TNR: variants seen among roughly 807,000 people sequenced by gnomAD.
The protein encoded by TNR is tenascin R.
Under a neutral mutation model 150.4 loss-of-function variants are expected in TNR, and 45 were observed. The ratio of observed to expected loss-of-function variants is 0.30; its 90% CI spans 0.24 to 0.38. The LOEUF (loss-of-function observed/expected upper bound fraction) is 0.38, where lower values mean the gene tolerates loss of function less well. TNR is among the 10% of genes least tolerant of loss of function. TNR has a pLI of 1.00. For missense variants in TNR, 1,544 were observed against 1,759.1 expected (o/e 0.88, Z 2.19); for synonymous variants, 687 against 678.4 (o/e 1.01, Z -0.20).
chr1:175,416,847 A>G (rs1654482149), intron 2 of TNR, among the ~76,000 whole-genome samples: 1 of 152,114 alleles, frequency 6.6e-6, no homozygotes, highest in Non-Finnish European at 1.5e-5. Flanking sequence ...TCTCTACTAA[A>G]AATACAAAAA....
intron 1 of TNR, among the ~76,000 whole-genome samples, chr1:175,531,228 C>G (rs763012408): frequency 3.9e-5 from 6 of 152,166 alleles, no homozygotes; most frequent in Non-Finnish European, 8.8e-5. Flanking sequence ...CACACTTGTT[C>G]TGATAGAATG....
intron 1 of TNR, among the ~76,000 whole-genome samples, chr1:175,650,857 C>CCCACCTCATTACTCCTCCT: frequency 1.4e-5 from 1 of 69,268 alleles, no homozygotes; most frequent in East Asian, 3.8e-4. Context: ...TACTACCCAT[C>CCCACCTCATTACTCCTCCT]TCCCACCTCA....
chr1:175,536,257 T>A (rs547668076), intron 1 of TNR, among the ~76,000 whole-genome samples: 21 of 152,216 alleles, frequency 1.4e-4, no homozygotes, highest in Non-Finnish European at 2.6e-4. Context: ...CTGGTTGAAT[T>A]TTTTCAACCA....
At chr1:175,351,400 A>T (rs1215824200) in intron 18 of TNR, among the ~76,000 whole-genome samples, 2 of 152,196 alleles carry the variant, frequency 1.3e-5, no homozygotes, top group African/African-American at 4.8e-5. Context: ...ATTTGCATTG[A>T]GGTGGCTGAC....
At chr1:175,719,579 G>T (rs969109519) in intron 1 of TNR, among the ~76,000 whole-genome samples, 4 of 152,226 alleles carry the variant, frequency 2.6e-5, no homozygotes, top group African/African-American at 9.6e-5. Flanking sequence ...GTCCTGGGAT[G>T]CAGTAAGCAT....
intron 1 of TNR, among the ~76,000 whole-genome samples, chr1:175,683,726 G>A: frequency 6.6e-6 from 1 of 152,226 alleles, no homozygotes; most frequent in Admixed American, 6.5e-5. Context: ...AGGAAAGAGG[G>A]AAGAGCTGTG....
chr1:175,429,252 G>T (rs1464289487), intron 2 of TNR, among the ~76,000 whole-genome samples: 1 of 152,122 alleles, frequency 6.6e-6, no homozygotes, highest in African/African-American at 2.4e-5. Flanking sequence ...AACATGATTT[G>T]TGAATCATTA....
At position 175,336,480 on chromosome 1, in the gene TNR, G is replaced by C. The variant is rs1476125263; in HGVS notation, c.3535-673C>G. Among the ~76,000 whole-genome samples the C allele has an allele frequency of 5.3e-5, 8 of 152,350 alleles. No individual in the cohort carries two copies. The East Asian group carries it at 1.5e-3, about 29-fold the overall frequency. On this transcript the variant is annotated intron_variant, in intron 19 of 22. Coordinates refer to ENST00000367674, the MANE Select transcript of TNR (RefSeq NM_003285.3). The stretch of plus-strand genomic sequence containing the variant: ...AGCACTGTTAGCAGAGCGAGAGAGG[G>C]CATCCAAAGAAGGGCGGAGGGGCTG...
intron 1 of TNR, among the ~76,000 whole-genome samples, chr1:175,567,864 A>G (rs906279385): frequency 1.3e-4 from 19 of 151,902 alleles, no homozygotes; most frequent in African/African-American, 4.6e-4. Flanking sequence ...CCAGTCTCAC[A>G]ATTCCTATAG....
chr1:175,592,419 G>A (rs6688098), intron 1 of TNR, among the ~76,000 whole-genome samples: 23,951 of 152,180 alleles, frequency 0.16, 2,812 homozygotes, highest in African/African-American at 0.32. Flanking sequence ...GGTTGTCAGC[G>A]GAATTCTTAA....
intron 1 of TNR, among the ~76,000 whole-genome samples, chr1:175,647,188 G>A (rs1664833126): frequency 6.6e-6 from 1 of 152,122 alleles, no homozygotes; most frequent in Admixed American, 6.5e-5. Flanking sequence ...ATTTCGCCCT[G>A]GGTGAAAATA....
intron 1 of TNR, among the ~76,000 whole-genome samples, chr1:175,598,339 G>T (rs925262350): frequency 1.3e-5 from 2 of 152,172 alleles, no homozygotes; most frequent in Non-Finnish European, 1.5e-5. Context: ...GGCCATACAG[G>T]TTAAATGACT....
At chr1:175,422,774 C>T (rs1392464822) in intron 2 of TNR, among the ~76,000 whole-genome samples, 1 of 152,212 alleles carries the variant, frequency 6.6e-6, no homozygotes, top group Non-Finnish European at 1.5e-5. Flanking sequence ...TGCCACATGT[C>T]CATCTTCACT....
Position 175,546,308 on chromosome 1 carries a change from T to G in TNR, c.-164-17939A>C, listed in dbSNP as rs115909505. On this transcript the variant is annotated intron_variant, in intron 1 of 22. Coordinates refer to ENST00000367674, the MANE Select transcript of TNR (RefSeq NM_003285.3). ...ATGGGCAACTTGGACATAAAGAGGC[T>G]GCTTTAACATGGGGGTGAGGTTAAG... 6.9e-3 allele frequency among the ~76,000 whole-genome samples: 1,049 copies of G among 152,290 alleles called. 12 individuals carry two copies. The highest frequency in any genetic ancestry group is 0.024 in the African/African-American group (1,000 of 41,560).
intron 7 of TNR, among the ~76,000 whole-genome samples, chr1:175,390,043 TAG>T (rs57585315): frequency 0.026 from 3,919 of 152,232 alleles, 151 homozygotes; most frequent in African/African-American, 0.088. Context: ...AGGGAGTAAT[TAG>T]AGGTCTGGCT....
At chr1:175,671,598 T>C (rs1665698603) in intron 1 of TNR, among the ~76,000 whole-genome samples, 1 of 152,200 alleles carries the variant, frequency 6.6e-6, no homozygotes, top group Non-Finnish European at 1.5e-5. Flanking sequence ...GAAATTTGAA[T>C]CTCAGATAAA....
intron 2 of TNR, among the ~76,000 whole-genome samples, chr1:175,484,169 CTTTA>C (rs1314901090): frequency 3.9e-5 from 6 of 152,170 alleles, no homozygotes; most frequent in Non-Finnish European, 8.8e-5. Context: ...CCTCTCATGC[CTTTA>C]TTTACTTACT....
chr1:175,352,679 T>C (rs1253933357), intron 18 of TNR, among the ~76,000 whole-genome samples: 1 of 152,232 alleles, frequency 6.6e-6, no homozygotes, highest in Non-Finnish European at 1.5e-5. Flanking sequence ...CTTGGATTCA[T>C]GTCTGTTTGT....
chr1:175,574,529 A>C (rs1340077013), intron 1 of TNR, among the ~76,000 whole-genome samples: 3 of 152,196 alleles, frequency 2.0e-5, no homozygotes, highest in Non-Finnish European at 4.4e-5. Context: ...GGAGATATGC[A>C]GCGATAAGAT....
Sources: allele counts gnomAD v4.1 joint callset (sites outside exome capture counted in the v4.1 genomes callset), GRCh38; gene constraint gnomAD v4.1.1; transcripts MANE v1.5; gene names NCBI Gene and HGNC (gene_info 2026-07-23, HGNC 2026-07-21).